The following ACOT12 variants were observed in gnomAD, a reference collection of about 807,000 sequenced individuals.
The protein encoded by ACOT12 is acetyl-coenzyme A thioesterase.
Under a neutral mutation model 67.7 loss-of-function variants are expected in ACOT12, and 51 were observed. The ratio of observed to expected loss-of-function variants is 0.75; its 90% confidence interval spans 0.60 to 0.95. The LOEUF (loss-of-function observed/expected upper bound fraction) is 0.95, where lower values mean the gene tolerates loss of function less well. ACOT12 is among the 40% of genes least tolerant of loss of function. The pLI is 0.00. For missense variants in ACOT12, 734 were observed against 708.1 expected (o/e 1.04, Z -0.41); for synonymous variants, 251 against 244.6 (o/e 1.03, Z -0.24).
intron 2 of ACOT12, among the ~76,000 whole-genome samples, chr5:81,375,161 G>T (rs957814100): frequency 6.6e-6 from 1 of 152,216 alleles, no homozygotes; most frequent in African/African-American, 2.4e-5. Flanking sequence ...AACCCTGCAA[G>T]CCAGAAGAGA....
At chr5:81,323,897 C>CATATATACAT in the ACOT12 span, among the ~76,000 whole-genome samples, 25,018 of 146,104 alleles carry the variant, frequency 0.17, 2,428 homozygotes, top group Admixed American at 0.26. Context: ...TACATATATA[C>CATATATACAT]GTATATATAC....
intron 2 of ACOT12, among the ~76,000 whole-genome samples, chr5:81,378,560 T>A (rs1268298120): frequency 6.6e-6 from 1 of 152,076 alleles, no homozygotes; most frequent in Non-Finnish European, 1.5e-5. Flanking sequence ...ACCTACAGAA[T>A]GGGAGAAAAT....
intron 5 of ACOT12, among the ~76,000 whole-genome samples, chr5:81,354,552 T>G (rs967630752): frequency 1.3e-5 from 2 of 152,118 alleles, no homozygotes; most frequent in African/African-American, 4.8e-5. Flanking sequence ...AGACGAACCC[T>G]CGCAAGGGAG....
chr5:81,393,073 C>T (rs1298356283), intron 1 of ACOT12, among the ~76,000 whole-genome samples: 1 of 152,168 alleles, frequency 6.6e-6, no homozygotes, highest in African/African-American at 2.4e-5. Flanking sequence ...TAATTCAGTC[C>T]TTAATAAATG....
At chr5:81,353,401 CA>C (rs1759613413) in intron 5 of ACOT12, among the ~76,000 whole-genome samples, 1 of 152,292 alleles carries the variant, frequency 6.6e-6, no homozygotes, top group Non-Finnish European at 1.5e-5. Context: ...TGATCAAGTT[CA>C]ATACGTGTAC....
intron 7 of ACOT12, among the ~76,000 whole-genome samples, chr5:81,345,587 G>A (rs1759354768): frequency 1.3e-5 from 2 of 151,978 alleles, no homozygotes; most frequent in African/African-American, 2.4e-5. Context: ...TAGTCACTGG[G>A]ACTGAAAGGA....
chr5:81,347,749 T>G (rs375949890), intron 6 of ACOT12, 25 bp downstream of exon 6: 4 of 1,609,454 alleles, frequency 2.5e-6, no homozygotes, highest in South Asian at 1.1e-5. Context: ...CCCAAAATCA[T>G]AGGCCGAAGG....
chr5:81,331,283 A>C (rs1228981930), intron 13 of ACOT12, among the ~76,000 whole-genome samples: 6 of 152,234 alleles, frequency 3.9e-5, no homozygotes, highest in African/African-American at 1.2e-4. Flanking sequence ...CACGCCTGTA[A>C]TCCCAGCACT....
chr5:81,351,908 G>GA (rs1435877586), intron 5 of ACOT12, among the ~76,000 whole-genome samples: 7 of 152,026 alleles, frequency 4.6e-5, no homozygotes, highest in East Asian at 1.9e-4. Flanking sequence ...AGCACTATAG[G>GA]AAAAAAATCT....
intron 3 of ACOT12, 74 bp from the exon 4 acceptor site, chr5:81,363,963 T>C (rs902555991): frequency 1.1e-6 from 1 of 874,666 alleles, no homozygotes; most frequent in Non-Finnish European, 1.6e-6. Flanking sequence ...TAGTCATATG[T>C]ATGCACCATT....
At chr5:81,325,237 T>C (rs1184287319), downstream of ACOT12, among the ~76,000 whole-genome samples, 1 of 152,200 alleles carries the variant, frequency 6.6e-6, no homozygotes, top group Non-Finnish European at 1.5e-5. Flanking sequence ...TGAATATTTT[T>C]TGAAGTTCAT....
the ACOT12 span, among the ~76,000 whole-genome samples, chr5:81,323,897 C>CAT: frequency 1.1e-4 from 16 of 146,272 alleles, no homozygotes; most frequent in Admixed American, 2.7e-4. Flanking sequence ...TACATATATA[C>CAT]GTATATATAC....
At chr5:81,325,107 G>T (rs1011496464), downstream of ACOT12, among the ~76,000 whole-genome samples, 1 of 152,200 alleles carries the variant, frequency 6.6e-6, no homozygotes, top group Non-Finnish European at 1.5e-5. Context: ...GTGAGAGAAA[G>T]TGTTCTCTGC....
chr5:81,319,985 C>T, the ACOT12 span, among the ~76,000 whole-genome samples: 2 of 152,062 alleles, frequency 1.3e-5, no homozygotes, highest in African/African-American at 4.8e-5. Flanking sequence ...TTAGGAAGCT[C>T]TTGCAGTAAG....
rs980510300 is a variant in ACOT12 at position 81,342,540 on chromosome 5, G to A, written c.1128+132C>T. The A allele has an allele frequency of 2.8e-5, 24 of 867,978 alleles. 1 individual carries two copies. The highest frequency in any genetic ancestry group is 1.1e-4 in the South Asian group (7 of 62,272). The allele number at this position is 867,978 out of a possible 1,614,324, so 53.8% of individuals were successfully genotyped here. On this transcript the variant is annotated intron_variant, in intron 11 of 14. Transcript: ENST00000307624. ...GAGACAGGGCTGAAAAGATGGTTGCGTCTTAGAAACAGTTTCCTCAAAAGA... is the reference window on the plus strand; with the variant it reads ...GAGACAGGGCTGAAAAGATGGTTGCATCTTAGAAACAGTTTCCTCAAAAGA...
chr5:81,335,941 G>T, intron 11 of ACOT12, 40 bp from the exon 12 acceptor site: 1 of 1,578,866 alleles, frequency 6.3e-7, no homozygotes, highest in Admixed American at 1.8e-5. Context: ...AAAGAAAACT[G>T]ATGCTTTTAC....
chr5:81,393,911 ACC>A (rs113262451), intron 1 of ACOT12, 75 bp downstream of exon 1: 7 of 1,233,368 alleles, frequency 5.7e-6, no homozygotes, highest in Non-Finnish European at 7.1e-6. Context: ...TCGCCTTCCT[ACC>A]CCCCCCAGCC....
intron 2 of ACOT12, among the ~76,000 whole-genome samples, chr5:81,372,449 A>G (rs1353728822): frequency 6.6e-6 from 1 of 152,186 alleles, no homozygotes; most frequent in Non-Finnish European, 1.5e-5. Flanking sequence ...GTTAAACTGC[A>G]TTTGCACCTT....
the ACOT12 span, among the ~76,000 whole-genome samples, chr5:81,310,707 AG>A: frequency 4.6e-4 from 70 of 152,334 alleles, 1 homozygote; most frequent in Admixed American, 3.3e-3. Flanking sequence ...GGCCAGTGGA[AG>A]GCACTGAAAC....
Sources: gnomAD v4.1 joint callset for allele counts (sites outside exome capture counted in the v4.1 genomes callset) on GRCh38, gnomAD v4.1.1 for gene constraint, MANE v1.5 for transcripts, NCBI Gene and HGNC (gene_info 2026-07-23, HGNC 2026-07-21) for gene names.